Variants in RBPMS observed in about 807,000 individuals in gnomAD.
RBPMS encodes the protein RNA binding protein, mRNA processing factor, also known as RNA-binding protein with multiple splicing.
Under a neutral mutation model 26.8 loss-of-function variants are expected in RBPMS, and 7 were observed. That is an observed-to-expected ratio of 0.26 (90% confidence interval 0.15 to 0.49). RBPMS has a LOEUF of 0.49. Among genes scored for constraint, RBPMS ranks in the 20% least tolerant of loss-of-function variants. The probability of loss-of-function intolerance (pLI) is 0.98; values close to 1 mark genes in which losing one functional copy is unlikely to be tolerated. For synonymous variants in RBPMS, 96 were observed against 93.3 expected (o/e 1.03, Z -0.17); for missense variants, 186 against 250.0 (o/e 0.74, Z 1.73).
intron 5 of RBPMS, among the ~76,000 whole-genome samples, chr8:30,524,244 C>T (rs537638076): frequency 1.3e-5 from 2 of 152,032 alleles, no homozygotes; most frequent in African/African-American, 4.8e-5. Flanking sequence ...CTACCAATTG[C>T]CCATTCCTTT....
chr8:30,467,524 G>T (rs1816646038), intron 1 of RBPMS, among the ~76,000 whole-genome samples: 1 of 152,222 alleles, frequency 6.6e-6, no homozygotes, highest in African/African-American at 2.4e-5. Flanking sequence ...AGGTATGGGA[G>T]TGATCCCTCA....
At chr8:30,527,360 G>A (rs1823703787) in intron 5 of RBPMS, among the ~76,000 whole-genome samples, 1 of 152,138 alleles carries the variant, frequency 6.6e-6, no homozygotes, top group African/African-American at 2.4e-5. Flanking sequence ...GGGTCTCCCA[G>A]CCTCACTCTG....
intron 1 of RBPMS, among the ~76,000 whole-genome samples, chr8:30,423,987 A>G (rs1439757220): frequency 6.6e-6 from 1 of 151,906 alleles, no homozygotes; most frequent in East Asian, 1.9e-4. Context: ...TCAGACGTGC[A>G]CCACCATGCC....
At chr8:30,461,391 GTGTT>G (rs749241305) in intron 1 of RBPMS, among the ~76,000 whole-genome samples, 11 of 152,032 alleles carry the variant, frequency 7.2e-5, no homozygotes, top group African/African-American at 9.7e-5. Context: ...CACATACAGT[GTGTT>G]TGTTTGTTTG....
chr8:30,482,927 T>A (rs1478249345), intron 4 of RBPMS, among the ~76,000 whole-genome samples: 1 of 152,186 alleles, frequency 6.6e-6, no homozygotes, highest in Non-Finnish European at 1.5e-5. Flanking sequence ...TTCACTAATA[T>A]AGGCAGTTAG....
At chr8:30,549,598 A>G (rs769840519) in intron 6 of RBPMS, 3 of 1,605,540 alleles carry the variant, frequency 1.9e-6, no homozygotes, top group South Asian at 1.1e-5. Flanking sequence ...GAGGCTTTCT[A>G]GGAGCACCTG....
chr8:30,547,167 C>A, intron 6 of RBPMS: 1 of 706,948 alleles, frequency 1.4e-6, no homozygotes, highest in Non-Finnish European at 2.4e-6. Context: ...GGCATCTCCC[C>A]ATATTGGAGA....
intron 6 of RBPMS, among the ~76,000 whole-genome samples, chr8:30,551,100 C>T (rs1276298459): frequency 3.9e-5 from 6 of 152,174 alleles, no homozygotes; most frequent in Admixed American, 3.9e-4. Flanking sequence ...CACAGTTCTG[C>T]CAGGAAACCC....
intron 8 of RBPMS, among the ~76,000 whole-genome samples, chr8:30,567,928 T>C (rs1001340263): frequency 6.6e-6 from 1 of 152,108 alleles, no homozygotes; most frequent in African/African-American, 2.4e-5. Flanking sequence ...TGGAGGGGGC[T>C]TTTCTCTTCC....
chr8:30,551,125 G>A (rs183086617), intron 6 of RBPMS, among the ~76,000 whole-genome samples: 8 of 152,196 alleles, frequency 5.3e-5, no homozygotes, highest in East Asian at 1.9e-4. Context: ...ATCTGCCCCC[G>A]GCCAGGCAGA....
chr8:30,533,821 T>C (rs1411758459), intron 5 of RBPMS, among the ~76,000 whole-genome samples: 1 of 152,168 alleles, frequency 6.6e-6, no homozygotes, highest in Non-Finnish European at 1.5e-5. Context: ...CCAGGTTAAA[T>C]TATTTCAAGT....
intron 5 of RBPMS, among the ~76,000 whole-genome samples, chr8:30,504,933 A>C (rs1157782976): frequency 6.6e-6 from 1 of 152,236 alleles, no homozygotes; most frequent in Non-Finnish European, 1.5e-5. Context: ...AAGAATGTAT[A>C]TATTGGAACT....
At chr8:30,501,519 A>G (rs376018154) in intron 4 of RBPMS, among the ~76,000 whole-genome samples, 3 of 152,156 alleles carry the variant, frequency 2.0e-5, no homozygotes, top group East Asian at 3.9e-4. Flanking sequence ...TGTAGATTAT[A>G]TGGAACCTGC....
chr8:30,537,854 C>T, intron 5 of RBPMS: 1 of 298,384 alleles, frequency 3.4e-6, no homozygotes, highest in Non-Finnish European at 6.7e-6. Context: ...TTTATTGTTA[C>T]TAGGACTTAG....
chr8:30,460,910 G>T (rs1337454478), intron 1 of RBPMS, among the ~76,000 whole-genome samples: 2 of 152,046 alleles, frequency 1.3e-5, no homozygotes, highest in Non-Finnish European at 2.9e-5. Context: ...AATTAGCCAG[G>T]CATGGTGGCA....
chr8:30,517,297 G>A (rs945612553), intron 5 of RBPMS, among the ~76,000 whole-genome samples: 19 of 147,022 alleles, frequency 1.3e-4, no homozygotes, highest in Admixed American at 4.1e-4. Context: ...AATGATGGTC[G>A]CTTAGAGAGT....
chr8:30,529,094 CCT>C (rs981881793), intron 5 of RBPMS, among the ~76,000 whole-genome samples: 1 of 151,886 alleles, frequency 6.6e-6, no homozygotes, highest in Non-Finnish European at 1.5e-5. Flanking sequence ...GTGGCATGCC[CCT>C]GTGGTCCCAA....
At chr8:30,497,779 C>T (rs559089517) in intron 4 of RBPMS, among the ~76,000 whole-genome samples, 2 of 151,802 alleles carry the variant, frequency 1.3e-5, no homozygotes, top group South Asian at 2.1e-4. Context: ...CCCGCCACCA[C>T]GCCTGGCTAA....
intron 1 of RBPMS, among the ~76,000 whole-genome samples, chr8:30,392,401 GAGA>G (rs1313824172): frequency 2.6e-5 from 4 of 152,134 alleles, no homozygotes; most frequent in South Asian, 2.1e-4. Context: ...CATGGCAGGA[GAGA>G]AGAAGGGGAA....
Sources: gnomAD v4.1 joint callset for allele counts (sites outside exome capture counted in the v4.1 genomes callset) on GRCh38, gnomAD v4.1.1 for gene constraint, MANE v1.5 for transcripts, NCBI Gene and HGNC (gene_info 2026-07-23, HGNC 2026-07-21) for gene names.